The following LOXHD1 variants were observed in gnomAD, a reference collection of about 807,000 sequenced individuals.
LOXHD1 encodes lipoxygenase homology domain-containing protein 1.
In LOXHD1, 205 loss-of-function variants were observed where a neutral mutation model predicts 248.2. The ratio of observed to expected loss-of-function variants is 0.83; its 90% confidence interval spans 0.74 to 0.93. The LOEUF (loss-of-function observed/expected upper bound fraction) is 0.93. LOXHD1 is among the 40% of genes least tolerant of loss of function. The probability of loss-of-function intolerance (pLI) is 0.00; values close to 1 mark genes in which losing one functional copy is unlikely to be tolerated. For synonymous variants in LOXHD1, 1,113 were observed against 1,162.8 expected (o/e 0.96, Z 0.87); for missense variants, 2,930 against 2,971.6 (o/e 0.99, Z 0.33).
At position 46,509,803 on chromosome 18, in the gene LOXHD1, C is replaced by T. The variant is rs1467055882; in HGVS notation, c.5412G>A (p.Glu1804=). The change falls in exon 35 of 41, where the codon GAG becomes GAA. Residue 1804 remains glutamate, a synonymous_variant. Coordinates refer to ENST00000642948, the MANE Select transcript of LOXHD1 (RefSeq NM_001384474.1). ...TCTCCATGATGAAGGTGTCGTTCTGCTCCCGCTCAAACCTGGGGGTGGAGA... is the reference window on the plus strand; with the variant it reads ...TCTCCATGATGAAGGTGTCGTTCTGTTCCCGCTCAAACCTGGGGGTGGAGA... ...LDKKKARFER[E]QNDTFIMEIL... 1.9e-6 allele frequency: 3 copies of T among 1,549,330 alleles called. No homozygotes were observed. The highest frequency in any genetic ancestry group is 2.6e-6 in the Non-Finnish European group (3 of 1,145,932).
rs1327762684 is a variant in LOXHD1, at chr18:46,505,885, A to G, written c.5831T>C (p.Leu1944Pro). The change falls in exon 37 of 41, where the codon CTG becomes CCG. Residue 1944 changes from leucine (L) to proline (P), a missense_variant. By Grantham distance (98) the Leu-to-Pro change is moderately conservative. Transcript: ENST00000642948. The part of the protein sequence containing the change: ...NTDTFNFPDM[L>P]SLGHLCKLRV... The stretch of plus-strand genomic sequence containing the variant: ...CAGCTTGCAGAGGTGGCCCAAGCTC[A>G]GCATGTCAGGGAAGTTGAATGTGTC... The G allele has an allele frequency of 6.4e-7, 1 of 1,551,802 alleles. No individual in the cohort carries two copies. The highest frequency in any genetic ancestry group is 1.2e-5 in the South Asian group (1 of 84,062).
At chr18:46,538,417 A>T (rs549742598) in intron 25 of LOXHD1, 80 bp from the exon 26 acceptor site, 1 of 1,369,256 alleles carries the variant, frequency 7.3e-7, no homozygotes, top group South Asian at 1.3e-5. Context: ...GTTCTTCACC[A>T]GCACAACCAG....
Position 46,542,822 on chromosome 18 carries a change from C to T in LOXHD1, c.3653G>A (p.Ser1218Asn). 8 of 1,551,748 alleles carry T rather than the reference C, an allele frequency of 5.2e-6. No individual in the cohort carries two copies. The highest frequency in any genetic ancestry group is 7.0e-6 in the Non-Finnish European group (8 of 1,147,020). ...AATGCTGTCCCTCTCAAACTTATCGCTGTTTGTCTTGGAGGACTTCAGGAG... is the reference window on the plus strand; with the variant it reads ...AATGCTGTCCCTCTCAAACTTATCGTTGTTTGTCTTGGAGGACTTCAGGAG... ...MTLLKSSKTN[S>N]DKFERDSIEI... Residue 1218 changes from serine (S) to asparagine (N), a missense_variant, in exon 24 of 41, where the codon AGC (serine) becomes AAC (asparagine). Coordinates refer to ENST00000642948, the MANE Select transcript of LOXHD1 (RefSeq NM_001384474.1).
intron 16 of LOXHD1, among the ~76,000 whole-genome samples, chr18:46,567,536 TC>T (rs2037667836): frequency 6.6e-6 from 1 of 152,158 alleles, no homozygotes; most frequent in Non-Finnish European, 1.5e-5. Flanking sequence ...ACTATGAAAG[TC>T]CCAGGGAGGG....
chr18:46,644,247 A>G (rs913664709), intron 2 of LOXHD1, among the ~76,000 whole-genome samples: 2 of 152,188 alleles, frequency 1.3e-5, no homozygotes. Context: ...AGCCATTGCC[A>G]GCAAGTAGGG....
At chr18:46,573,106 T>G (rs1412006923) in intron 14 of LOXHD1, among the ~76,000 whole-genome samples, 1 of 140,456 alleles carries the variant, frequency 7.1e-6, no homozygotes, top group Non-Finnish European at 1.5e-5. Context: ...TGGACCAGAG[T>G]AAGTGCTGCA....
At chr18:46,580,748 A>G (rs1386873249) in intron 12 of LOXHD1, among the ~76,000 whole-genome samples, 1 of 152,198 alleles carries the variant, frequency 6.6e-6, no homozygotes, top group Non-Finnish European at 1.5e-5. Context: ...AGTGGTAAGG[A>G]GTGGAGTGAG....
rs949913479 is a variant in LOXHD1, at chr18:46,518,011, A to G, written c.5399+118T>C. 9 of 1,252,078 alleles carry G rather than the reference A, an allele frequency of 7.2e-6. No homozygotes were observed. In the African/African-American group the frequency reaches 1.3e-4, roughly 19 times the overall value. The allele number at this position is 1,252,078 out of a possible 1,614,324, so 77.6% of individuals were successfully genotyped here. A position where few individuals can be genotyped will look rare whatever the true frequency, so the allele number is the denominator to read the frequency against. On this transcript the variant is annotated intron_variant, in intron 34 of 40. Coordinates refer to ENST00000642948, the MANE Select transcript of LOXHD1 (RefSeq NM_001384474.1). ...AGACAGAATAGACAAAGGCAGAGGA[A>G]GGAAGGCCTCATGGTCTGCAGCGGG...
At chr18:46,626,537 C>CA (rs1568223693) in intron 4 of LOXHD1, among the ~76,000 whole-genome samples, 1 of 151,676 alleles carries the variant, frequency 6.6e-6, no homozygotes, top group Non-Finnish European at 1.5e-5. Context: ...GATGCCATCT[C>CA]AAAAAATAAA....
intron 26 of LOXHD1, among the ~76,000 whole-genome samples, chr18:46,537,954 C>T (rs572477040): frequency 1.3e-3 from 198 of 152,340 alleles, no homozygotes; most frequent in Non-Finnish European, 2.3e-3. Context: ...TGACACCAGT[C>T]CAGGAGGAGC....
In LOXHD1 at chr18:46,649,158, C is replaced by A; in HGVS notation, c.242G>T (p.Ser81Ile). ...NGLSPKLQLTSKSKSAFEKGN... is the reference protein window; with the variant it reads ...NGLSPKLQLTIKSKSAFEKGN... The stretch of plus-strand genomic sequence containing the variant: ...CCAAGGCCAAGTGGGTACTCACTTG[C>A]TGGTGAGCTGGAGCTTGGGAGAGAG... Residue 81 changes from serine (S) to isoleucine (I), a missense_variant, in exon 2 of 41, where the codon AGC (serine) becomes ATC (isoleucine). By Grantham distance (142) the Ser-to-Ile change is moderately radical. Coordinates refer to ENST00000642948, the MANE Select transcript of LOXHD1 (RefSeq NM_001384474.1). 1 of 1,551,584 alleles carries A rather than the reference C, an allele frequency of 6.4e-7. No individual in the cohort carries two copies. The highest frequency in any genetic ancestry group is 1.4e-5 in the African/African-American group (1 of 73,162).
chr18:46,624,200 T>G (rs2038707154), intron 4 of LOXHD1, among the ~76,000 whole-genome samples: 1 of 152,222 alleles, frequency 6.6e-6, no homozygotes, highest in South Asian at 2.1e-4. Context: ...CAAGTGAATC[T>G]GCAATGGCTC....
intron 2 of LOXHD1, among the ~76,000 whole-genome samples, chr18:46,648,245 G>A (rs1005006278): frequency 3.3e-5 from 5 of 152,018 alleles, no homozygotes; most frequent in South Asian, 4.2e-4. Flanking sequence ...GCGACAGAGC[G>A]AGACTCCATC....
At chr18:46,590,372 C>A (rs2144220163) in intron 12 of LOXHD1, among the ~76,000 whole-genome samples, 1 of 152,224 alleles carries the variant, frequency 6.6e-6, no homozygotes, top group South Asian at 2.1e-4. Context: ...CCAAAAGGCT[C>A]AAGAGTGACC....
intron 4 of LOXHD1, among the ~76,000 whole-genome samples, chr18:46,626,787 C>T (rs2038748320): frequency 6.6e-6 from 1 of 152,162 alleles, no homozygotes; most frequent in East Asian, 1.9e-4. Context: ...TAGCTTCATC[C>T]TTATAGACAA....
intron 8 of LOXHD1, among the ~76,000 whole-genome samples, chr18:46,597,940 T>C (rs1018341222): frequency 2.0e-5 from 3 of 151,426 alleles, no homozygotes; most frequent in African/African-American, 7.3e-5. Flanking sequence ...TTTTTTTTTT[T>C]TTTTTTTTAG....
chr18:46,557,165 A>G (rs1295507991), intron 21 of LOXHD1, among the ~76,000 whole-genome samples, 191 bp downstream of exon 21: 1 of 80,212 alleles, frequency 1.2e-5, no homozygotes, highest in Non-Finnish European at 2.4e-5. Context: ...CCTCATTCTC[A>G]GTGCACCCCA....
intron 26 of LOXHD1, among the ~76,000 whole-genome samples, chr18:46,537,006 C>T (rs948248854): frequency 6.6e-6 from 1 of 152,218 alleles, no homozygotes; most frequent in Non-Finnish European, 1.5e-5. Context: ...ACACTCCTCC[C>T]ATGGCTTCTA....
At chr18:46,541,476 CATT>C (rs2036554406) in intron 25 of LOXHD1, among the ~76,000 whole-genome samples, 1 of 152,220 alleles carries the variant, frequency 6.6e-6, no homozygotes, top group Non-Finnish European at 1.5e-5. Flanking sequence ...TATCATCCTG[CATT>C]ATTATCTCTA....
Sources: gnomAD v4.1 joint callset for allele counts (sites outside exome capture counted in the v4.1 genomes callset) on GRCh38, gnomAD v4.1.1 for gene constraint, MANE v1.5 for transcripts, NCBI Gene and HGNC (gene_info 2026-07-23, HGNC 2026-07-21) for gene names.